Variants in ACO1 observed in about 807,000 individuals in gnomAD.
ACO1 encodes aconitase 1.
ACO1 carries 78 observed loss-of-function variants against 105.1 expected under a neutral mutation model. The observed-to-expected ratio is 0.74, with a 90% CI of 0.62 to 0.90. The LOEUF is 0.90. ACO1 is among the 40% of genes least tolerant of loss of function. The pLI, the probability that ACO1 is intolerant of heterozygous loss-of-function variation, is 0.00. For synonymous variants in ACO1, 364 were observed against 397.4 expected, an observed-to-expected ratio of 0.92 and a Z score of 1.00; for missense variants, 965 against 1,111.1, an observed-to-expected ratio of 0.87 and a Z score of 1.87.
intron 19 of ACO1, 64 bp from the exon 20 acceptor site, chr9:32,448,832 T>C: frequency 6.3e-7 from 1 of 1,589,410 alleles, no homozygotes; most frequent in Non-Finnish European, 8.6e-7. Context: ...CAAAGTCTTT[T>C]GTAAACCTGT....
rs1822837488 is a variant in ACO1 at position 32,454,522 on chromosome 9, TGGA to T, written c.*4412_*4414del. 6.6e-6 allele frequency: 1 copy of T among 152,122 alleles called. No homozygotes were observed. The highest frequency in any genetic ancestry group is 2.4e-5 in the African/African-American group (1 of 41,418). 9.4% of individuals were successfully genotyped at this position (152,122 alleles called of 1,614,324 possible). On this transcript the variant is annotated 3_prime_UTR_variant, in exon 21 of 21. Transcript: ENST00000309951. ...ACAGGAGCTTCAAAACATACACGGC[TGGA>T]CACCCTGCCAGGATGCTCTAATGGG...
intron 13 of ACO1, among the ~76,000 whole-genome samples, chr9:32,429,977 G>T (rs1172050244): frequency 6.6e-6 from 1 of 152,206 alleles, no homozygotes; most frequent in Admixed American, 6.5e-5. Flanking sequence ...CCACACAAAC[G>T]AATCTAAACT....
intron 1 of ACO1, among the ~76,000 whole-genome samples, chr9:32,388,897 A>T (rs1821207996): frequency 6.6e-6 from 1 of 152,222 alleles, no homozygotes; most frequent in South Asian, 2.1e-4. Context: ...TATTTCTCTG[A>T]TAGGAATGTT....
In ACO1 at chr9:32,434,594, T is replaced by C. The variant is rs190036940; in HGVS notation, c.1992T>C (p.Asp664=). Residue 664 remains aspartate, a synonymous_variant, in exon 17 of 21, where the codon GAT becomes GAC. Transcript: ENST00000309951. The part of the protein sequence containing the change: ...LDLQPPKSIV[D]AYVLLNLGDS... ...TTCAGCCCCCTAAATCTATAGTGGA[T>C]GCCTATGTGCTGCTAAATTTGGGAG... 6.8e-5 allele frequency: 110 copies of C among 1,614,182 alleles called. No individual in the cohort carries two copies. In the East Asian group the frequency reaches 1.4e-3, roughly 21 times the overall value.
chr9:32,449,100 A>AT lies in ACO1; in HGVS notation c.2556+20dup. On this transcript the variant is annotated intron_variant, in intron 20 of 20. Coordinates refer to ENST00000309951, the MANE Select transcript of ACO1 (RefSeq NM_002197.3). ...GGTCAAGGTAAGCTGGAGCCTCTCT[A>AT]TGCCAGGCCCTGTCGAAAGGGGCCC... 1 of 1,576,386 alleles carries AT rather than the reference A, an allele frequency of 6.3e-7. No homozygotes were observed. The highest frequency in any genetic ancestry group is 8.6e-7 in the Non-Finnish European group (1 of 1,161,426).
At chr9:32,421,172 G>A (rs1587536384) in intron 8 of ACO1, 145 bp downstream of exon 8, 1 of 887,592 alleles carries the variant, frequency 1.1e-6, no homozygotes, top group Non-Finnish European at 1.7e-6. Flanking sequence ...GAGTCAAAAT[G>A]GGTTTTTGGG....
At chr9:32,393,136 T>G (rs1224827718) in intron 1 of ACO1, among the ~76,000 whole-genome samples, 2 of 152,322 alleles carry the variant, frequency 1.3e-5, no homozygotes, top group South Asian at 2.1e-4. Context: ...ACAAGAGAGA[T>G]AACCTTAAAC....
chr9:32,408,923 C>T (rs1237653025), intron 4 of ACO1, among the ~76,000 whole-genome samples: 1 of 152,198 alleles, frequency 6.6e-6, no homozygotes, highest in Non-Finnish European at 1.5e-5. Flanking sequence ...AACACACACA[C>T]ATGAAGTTCT....
intron 1 of ACO1, among the ~76,000 whole-genome samples, chr9:32,404,390 C>T (rs1388758702): frequency 6.6e-6 from 1 of 152,188 alleles, no homozygotes; most frequent in Non-Finnish European, 1.5e-5. Context: ...TACCTGCCAC[C>T]TCTGGTCGAA....
At chr9:32,403,343 G>C (rs957263252) in intron 1 of ACO1, among the ~76,000 whole-genome samples, 1 of 152,186 alleles carries the variant, frequency 6.6e-6, no homozygotes, top group African/African-American at 2.4e-5. Context: ...ATAACTAACT[G>C]GTTCTTCTCT....
rs1821632829 is a variant in ACO1, at chr9:32,407,294, A to T, written c.131A>T (p.Glu44Val). The T allele has an allele frequency of 1.9e-6, 3 of 1,614,152 alleles. No individual in the cohort carries two copies. Among genetic ancestry groups the T allele is most frequent in the Non-Finnish European group, 2.5e-6 (3 of 1,180,018 alleles). ...RLPFSIRVLLEAAIRNCDEFL... is the reference protein window; with the variant it reads ...RLPFSIRVLLVAAIRNCDEFL... Reference sequence around the variant, plus strand: ...CCATTTTCGATCAGAGTTCTTCTGGAAGCAGCCATTCGGAATTGTGATGAG... The same window carrying T: ...CCATTTTCGATCAGAGTTCTTCTGGTAGCAGCCATTCGGAATTGTGATGAG... The change falls in exon 3 of 21, where the codon GAA (glutamate) becomes GTA (valine). Residue 44 changes from glutamate (E) to valine (V), a missense_variant. Transcript: ENST00000309951.
chr9:32,400,836 A>C (rs1821479463), intron 1 of ACO1, among the ~76,000 whole-genome samples: 1 of 152,204 alleles, frequency 6.6e-6, no homozygotes, highest in South Asian at 2.1e-4. Context: ...TCCCCTTTAT[A>C]CAATGTGTTA....
intron 1 of ACO1, among the ~76,000 whole-genome samples, chr9:32,401,388 A>AT (rs549426052): frequency 0.012 from 1,630 of 140,172 alleles, 25 homozygotes; most frequent in African/African-American, 0.034. Flanking sequence ...AATCAGCTGT[A>AT]TTTTTTTTTT....
intron 15 of ACO1, among the ~76,000 whole-genome samples, 185 bp downstream of exon 15, chr9:32,432,028 C>T (rs7863494): frequency 0.016 from 2,503 of 152,190 alleles, 63 homozygotes; most frequent in African/African-American, 0.058. Context: ...TTTACAAACC[C>T]CACCTCCCCC....
At position 32,436,274 on chromosome 9, in the gene ACO1, C is replaced by G. The variant is rs1822358100; in HGVS notation, c.2124C>G (p.Ser708=). 6.2e-7 allele frequency: 1 copy of G among 1,614,068 alleles called. No homozygotes were observed. The highest frequency in any genetic ancestry group is 1.3e-5 in the African/African-American group (1 of 74,920). Residue 708 remains serine, a synonymous_variant, in exon 18 of 21, where the codon TCC becomes TCG. Coordinates refer to ENST00000309951, the MANE Select transcript of ACO1 (RefSeq NM_002197.3). ...NRGLTPREFN[S]YGSRRGNDAV... is the part of the protein sequence containing the mutation. ...GCCTAACTCCACGAGAATTCAACTCCTATGGCTCCCGCCGAGGTAATGACG... is the reference window on the plus strand; with the variant it reads ...GCCTAACTCCACGAGAATTCAACTCGTATGGCTCCCGCCGAGGTAATGACG...
intron 1 of ACO1, among the ~76,000 whole-genome samples, chr9:32,390,169 G>A (rs1292222589): frequency 6.6e-6 from 1 of 152,172 alleles, no homozygotes; most frequent in Non-Finnish European, 1.5e-5. Flanking sequence ...ATTTGCAGCT[G>A]TATAAATTAA....
intron 1 of ACO1, among the ~76,000 whole-genome samples, chr9:32,392,115 C>G (rs912767105): frequency 2.0e-5 from 3 of 152,104 alleles, no homozygotes; most frequent in African/African-American, 7.2e-5. Flanking sequence ...TGCTTTAGAG[C>G]TTGGAGATTG....
Position 32,439,511 on chromosome 9 carries a change from A to G in ACO1, c.2248-954A>G, listed in dbSNP as rs1195945907. On this transcript the variant is annotated intron_variant, in intron 18 of 20. Coordinates refer to ENST00000309951, the MANE Select transcript of ACO1 (RefSeq NM_002197.3). The surrounding 1 kb of genome is among the most constrained non-coding windows in gnomAD (Gnocchi z 4.0). ...CCTGGAAAAATAATGGTACTGCTCA[A>G]CCACCAGAGATGATATCATGTCTTT... is the stretch of plus-strand genomic sequence containing the variant. 2.0e-5 allele frequency among the ~76,000 whole-genome samples: 3 copies of G among 152,224 alleles called. No individual in the cohort carries two copies. The highest frequency in any genetic ancestry group is 7.2e-5 in the African/African-American group (3 of 41,456).
At position 32,424,572 on chromosome 9, in the gene ACO1, A is replaced by G; in HGVS notation, c.1095A>G (p.Thr365=). 6.2e-7 allele frequency: 1 copy of G among 1,613,742 alleles called. No homozygotes were observed. The highest frequency in any genetic ancestry group is 8.5e-7 in the Non-Finnish European group (1 of 1,179,730). The change falls in exon 10 of 21, where the codon ACA becomes ACG. Residue 365 remains threonine, a synonymous_variant. Transcript: ENST00000309951. The part of the protein sequence containing the change: ...FTQVVELDLK[T]VVPCCSGPKR... ...AGGTTGTGGAATTAGATTTGAAAAC[A>G]GTAGTGCCTTGCTGTAGTGGACCCA...
Sources: gnomAD v4.1 joint callset for allele counts (sites outside exome capture counted in the v4.1 genomes callset) on GRCh38, gnomAD v4.1.1 for gene constraint, Gnocchi (gnomAD v3.1) non-coding constraint, MANE v1.5 for transcripts, NCBI Gene and HGNC (gene_info 2026-07-23, HGNC 2026-07-21) for gene names.